CACNA1D: variants seen among roughly 807,000 people sequenced by gnomAD.
CACNA1D encodes the protein voltage-dependent L-type calcium channel subunit alpha-1D.
CACNA1D carries 55 observed loss-of-function variants against 257.1 expected under a neutral mutation model. The observed-to-expected ratio is 0.21, with a 90% CI of 0.17 to 0.27. The LOEUF (loss-of-function observed/expected upper bound fraction) is 0.27. Ranked by LOEUF, CACNA1D falls within the 10% of genes least tolerant of loss-of-function variation. The pLI is 1.00. For missense variants in CACNA1D, 1,876 were observed against 2,784.0 expected, an observed-to-expected ratio of 0.67 and a Z score of 7.34; for synonymous variants, 980 against 1,014.9, an observed-to-expected ratio of 0.97 and a Z score of 0.65.
intron 3 of CACNA1D, among the ~76,000 whole-genome samples, chr3:53,511,121 C>T (rs571905844): frequency 6.6e-6 from 1 of 152,196 alleles, no homozygotes; most frequent in Admixed American, 6.5e-5. Flanking sequence ...CTCTGATGTC[C>T]CGTGTTCTTA....
At chr3:53,524,153 T>G (rs985586318) in intron 3 of CACNA1D, among the ~76,000 whole-genome samples, 4 of 152,152 alleles carry the variant, frequency 2.6e-5, no homozygotes, top group Non-Finnish European at 5.9e-5. Context: ...AGGTGCTCAT[T>G]TTGCCTTTGA....
rs190174687 is a variant in CACNA1D at position 53,716,522 on chromosome 3, G to C, written c.1391-1779G>C. Among the ~76,000 whole-genome samples the C allele has an allele frequency of 2.2e-3, 333 of 151,424 alleles. 3 individuals are homozygous for C. Among genetic ancestry groups the C allele is most frequent in the Non-Finnish European group, 1.1e-3 (76 of 68,000 alleles). On this transcript the variant is annotated intron_variant, in intron 9 of 47. Coordinates refer to ENST00000350061, the MANE Select transcript of CACNA1D (RefSeq NM_001128840.3). Reference sequence around the variant, plus strand: ...TCTTGTGTGTCTGTGTGTGTTAATGGAGTTTTTTTTTTTAAGGTTTTTCCA... The same window carrying C: ...TCTTGTGTGTCTGTGTGTGTTAATGCAGTTTTTTTTTTTAAGGTTTTTCCA...
chr3:53,811,086 T>C lies in CACNA1D; in HGVS notation c.6193-27T>C, dbSNP rs574879732. The C allele has an allele frequency of 3.6e-5, 58 of 1,601,562 alleles. No individual in the cohort carries two copies. In the Admixed American group the frequency reaches 4.2e-4, roughly 12 times the overall value. On this transcript the variant is annotated intron_variant, in intron 47 of 47. Transcript: ENST00000350061. The surrounding 1 kb of genome is among the most constrained non-coding windows in gnomAD (Gnocchi z 4.2). Reference sequence around the variant, plus strand: ...CCTGCAAAGCCTTATAACACCCCCATGCCATCCATCCCTCTTTTCTGTACA... The same window carrying C: ...CCTGCAAAGCCTTATAACACCCCCACGCCATCCATCCCTCTTTTCTGTACA...
intron 8 of CACNA1D, among the ~76,000 whole-genome samples, chr3:53,682,390 A>C (rs977574562): frequency 1.5e-5 from 2 of 133,482 alleles, no homozygotes; most frequent in East Asian, 2.5e-4. Context: ...AAAAAAAAAA[A>C]AAAAAACAGA....
At chr3:53,698,806 CT>C (rs11393164) in intron 8 of CACNA1D, among the ~76,000 whole-genome samples, 1,411 of 135,034 alleles carry the variant, frequency 0.01, 1 homozygote, top group Middle Eastern at 0.023. Context: ...CACTTTATTG[CT>C]TTTTTTTTTT....
chr3:53,765,231 C>T (rs1187887643), intron 30 of CACNA1D, among the ~76,000 whole-genome samples: 3 of 152,164 alleles, frequency 2.0e-5, no homozygotes, highest in African/African-American at 7.2e-5. Context: ...ATGTAGTTCC[C>T]CTGGGGAGCA....
chr3:53,666,614 G>A lies in CACNA1D; in HGVS notation c.1116+79G>A, dbSNP rs539656360. On this transcript the variant is annotated intron_variant, in intron 7 of 47. Transcript: ENST00000350061. ...TTTTGTGAGCTAGAGCCACTGGAGA[G>A]GTGGCTGGAAAAGAAACCCTGAAGT... is the stretch of plus-strand genomic sequence containing the variant. The A allele has an allele frequency of 4.6e-4, 560 of 1,211,562 alleles. 11 individuals carry two copies. The South Asian group carries it at 6.5e-3, about 14-fold the overall frequency. The allele number at this position is 1,211,562 out of a possible 1,614,324, so 75.1% of individuals were successfully genotyped here. A position where few individuals can be genotyped will look rare whatever the true frequency, so the allele number is the denominator to read the frequency against.
chr3:53,687,504 A>T (rs1354974713), intron 8 of CACNA1D, among the ~76,000 whole-genome samples: 2 of 141,448 alleles, frequency 1.4e-5, no homozygotes. Flanking sequence ...TGGAGAAAGG[A>T]TACTCTTTTT....
chr3:53,779,341 T>C (rs950135634), intron 37 of CACNA1D, among the ~76,000 whole-genome samples: 2 of 152,148 alleles, frequency 1.3e-5, no homozygotes, highest in African/African-American at 4.8e-5. Context: ...AGTGGTAGGT[T>C]GTATTAATCA....
intron 3 of CACNA1D, among the ~76,000 whole-genome samples, chr3:53,608,228 A>T (rs1394144181): frequency 6.6e-6 from 1 of 152,198 alleles, no homozygotes; most frequent in East Asian, 1.9e-4. Context: ...TTCTAAATGC[A>T]TCCCTATATC....
chr3:53,568,990 G>A (rs766801052), intron 3 of CACNA1D, among the ~76,000 whole-genome samples: 51 of 152,072 alleles, frequency 3.4e-4, no homozygotes, highest in Non-Finnish European at 6.9e-4. Context: ...TCCACATCTA[G>A]CATCCTCCCT....
chr3:53,536,356 T>G (rs1417005895), intron 3 of CACNA1D, among the ~76,000 whole-genome samples: 1 of 150,590 alleles, frequency 6.6e-6, no homozygotes, highest in Non-Finnish European at 1.5e-5. Flanking sequence ...ACCATTTACT[T>G]TTTTTTTTAA....
At chr3:53,749,557 A>G (rs535971372) in intron 27 of CACNA1D, 88 bp downstream of exon 27, 2 of 921,400 alleles carry the variant, frequency 2.2e-6, no homozygotes, top group East Asian at 2.5e-5. Flanking sequence ...TACCCAGAGA[A>G]GGGCACCCAC....
intron 8 of CACNA1D, among the ~76,000 whole-genome samples, chr3:53,682,125 C>A (rs914511166): frequency 1.3e-5 from 2 of 152,046 alleles, no homozygotes; most frequent in Admixed American, 1.3e-4. Context: ...TTCAAATTTA[C>A]ATTTTCTAAA....
chr3:53,546,337 C>T (rs2092412277), intron 3 of CACNA1D, among the ~76,000 whole-genome samples: 1 of 150,402 alleles, frequency 6.6e-6, no homozygotes, highest in Non-Finnish European at 1.5e-5. Flanking sequence ...AACAGAGCTG[C>T]ACTAGGGCCC....
chr3:53,762,453 C>G, intron 30 of CACNA1D: 1 of 430,496 alleles, frequency 2.3e-6, no homozygotes, highest in South Asian at 1.7e-5. Flanking sequence ...CCGTGTGGCG[C>G]GATGCTAGAA....
At chr3:53,568,366 A>G (rs2092884947) in intron 3 of CACNA1D, among the ~76,000 whole-genome samples, 1 of 152,018 alleles carries the variant, frequency 6.6e-6, no homozygotes, top group Non-Finnish European at 1.5e-5. Context: ...GATTTCATAT[A>G]TTTTCCTCTC....
intron 3 of CACNA1D, among the ~76,000 whole-genome samples, chr3:53,566,472 C>T (rs916162642): frequency 2.6e-5 from 4 of 152,146 alleles, no homozygotes; most frequent in Non-Finnish European, 5.9e-5. Context: ...TAATAGCACC[C>T]ACATTCATCT....
chr3:53,590,421 C>T (rs2093286721), intron 3 of CACNA1D, among the ~76,000 whole-genome samples: 2 of 152,242 alleles, frequency 1.3e-5, no homozygotes, highest in Admixed American at 1.3e-4. Flanking sequence ...TGTTCAACAC[C>T]TGGCCCAGGG....
Sources: gnomAD v4.1 joint callset for allele counts (sites outside exome capture counted in the v4.1 genomes callset) on GRCh38, gnomAD v4.1.1 for gene constraint, Gnocchi (gnomAD v3.1) non-coding constraint, MANE v1.5 for transcripts, NCBI Gene and HGNC (gene_info 2026-07-23, HGNC 2026-07-21) for gene names.